The following ERBB4 variants were observed in gnomAD, a reference collection of about 807,000 sequenced individuals.
The protein encoded by ERBB4 is receptor tyrosine-protein kinase erbB-4.
A neutral mutation model predicts 158.0 loss-of-function variants in ERBB4; 42 were observed. The ratio of observed to expected loss-of-function variants is 0.27; its 90% confidence interval spans 0.21 to 0.34. ERBB4 has a LOEUF of 0.34. ERBB4 is among the 10% of genes least tolerant of loss of function. ERBB4 has a pLI of 1.00. For missense variants in ERBB4, 1,333 were observed against 1,624.1 expected, an observed-to-expected ratio of 0.82 and a Z score of 3.08; for synonymous variants, 583 against 558.7, an observed-to-expected ratio of 1.04 and a Z score of -0.61.
Position 211,621,238 on chromosome 2 carries a change from C to T in ERBB4, c.2203-1963G>A, listed in dbSNP as rs925574942. Among the ~76,000 whole-genome samples the T allele has an allele frequency of 2.0e-5, 3 of 149,464 alleles. No homozygotes were observed. The East Asian group carries it at 5.9e-4, about 29-fold the overall frequency. On this transcript the variant is annotated intron_variant, in intron 18 of 27. Transcript: ENST00000342788. ...TTTTTCATTATTTCATTCATTATTT[C>T]ACTATTTTCTGGGACTGACTAGTTA...
chr2:212,095,313 C>A (rs2078897207), intron 2 of ERBB4, among the ~76,000 whole-genome samples: 1 of 152,114 alleles, frequency 6.6e-6, no homozygotes, highest in South Asian at 2.1e-4. Flanking sequence ...TTGTTCCTGG[C>A]TGATTTGCTA....
chr2:212,277,906 A>G (rs1181021479), intron 1 of ERBB4, among the ~76,000 whole-genome samples: 1 of 151,696 alleles, frequency 6.6e-6, no homozygotes. Flanking sequence ...GAAATTACAT[A>G]CTTTTTTATT....
intron 1 of ERBB4, among the ~76,000 whole-genome samples, chr2:212,485,976 A>C (rs891544207): frequency 2.0e-5 from 3 of 152,012 alleles, no homozygotes; most frequent in African/African-American, 7.2e-5. Flanking sequence ...TTTTCAACAT[A>C]TATATTGGGG....
intron 1 of ERBB4, among the ~76,000 whole-genome samples, chr2:212,528,552 T>C (rs1274901809): frequency 6.6e-6 from 1 of 152,184 alleles, no homozygotes; most frequent in African/African-American, 2.4e-5. Context: ...AATATCTCCA[T>C]TCCCAATTTT....
intron 1 of ERBB4, among the ~76,000 whole-genome samples, chr2:212,173,706 A>G (rs1053242883): frequency 6.6e-6 from 1 of 152,102 alleles, no homozygotes; most frequent in African/African-American, 2.4e-5. Context: ...ATTGTGACTG[A>G]CATATAGGCA....
chr2:211,459,166 C>G (rs1297176728), intron 20 of ERBB4, among the ~76,000 whole-genome samples: 6 of 152,208 alleles, frequency 3.9e-5, no homozygotes, highest in Admixed American at 2.6e-4. Flanking sequence ...CATGCATATG[C>G]TAAGTCAGCA....
chr2:211,842,950 ACTT>A (rs906130909), intron 3 of ERBB4, among the ~76,000 whole-genome samples: 2 of 152,132 alleles, frequency 1.3e-5, no homozygotes, highest in Non-Finnish European at 2.9e-5. Context: ...GGACAACTCC[ACTT>A]CTTCTGGTCC....
chr2:212,497,693 A>G (rs1560485248), intron 1 of ERBB4, among the ~76,000 whole-genome samples: 2 of 152,278 alleles, frequency 1.3e-5, no homozygotes, highest in East Asian at 1.9e-4. Flanking sequence ...TAAAGTATCA[A>G]TTAGTCAAAT....
chr2:212,047,298 C>T (rs926838147), intron 2 of ERBB4, among the ~76,000 whole-genome samples: 1 of 152,114 alleles, frequency 6.6e-6, no homozygotes, highest in Non-Finnish European at 1.5e-5. Context: ...AACAAAACTT[C>T]TAAATTATTC....
intron 3 of ERBB4, among the ~76,000 whole-genome samples, chr2:211,864,573 A>C (rs2078155736): frequency 6.6e-6 from 1 of 152,238 alleles, no homozygotes. Context: ...ATAAAATAGC[A>C]ATCCTAAATG....
chr2:212,440,545 T>C (rs2092232607), intron 1 of ERBB4, among the ~76,000 whole-genome samples: 1 of 152,164 alleles, frequency 6.6e-6, no homozygotes, highest in Admixed American at 6.6e-5. Flanking sequence ...CCCTGACTAA[T>C]ACAGATTTTG....
rs187962004 is a variant in ERBB4, at chr2:211,388,368, T to C, written c.3136-376A>G. The stretch of plus-strand genomic sequence containing the variant: ...GTTTCCTTCTTTACATGTCAAAAGA[T>C]TGAAATGGCCATATTGTCTGCTGTT... On this transcript the variant is annotated intron_variant, in intron 25 of 27. Coordinates refer to ENST00000342788, the MANE Select transcript of ERBB4 (RefSeq NM_005235.3). Among the ~76,000 whole-genome samples, 400 of 152,296 alleles carry C rather than the reference T, an allele frequency of 2.6e-3. 2 individuals carry two copies. Among genetic ancestry groups the C allele is most frequent in the Admixed American group, 4.8e-3 (73 of 15,294 alleles).
At chr2:212,090,740 C>A (rs1254061388) in intron 2 of ERBB4, among the ~76,000 whole-genome samples, 2 of 152,112 alleles carry the variant, frequency 1.3e-5, no homozygotes, top group African/African-American at 2.4e-5. Context: ...ATTTAAAGGG[C>A]CCCATGAATG....
At chr2:212,190,857 T>C (rs549204514) in intron 1 of ERBB4, among the ~76,000 whole-genome samples, 2 of 152,254 alleles carry the variant, frequency 1.3e-5, no homozygotes, top group Admixed American at 1.3e-4. Flanking sequence ...CTAAATCTAG[T>C]TCCCATTCAT....
At chr2:211,488,381 A>T (rs2065258813) in intron 20 of ERBB4, among the ~76,000 whole-genome samples, 1 of 152,076 alleles carries the variant, frequency 6.6e-6, no homozygotes, top group Admixed American at 6.6e-5. Context: ...ATTTCATTAG[A>T]TCTTTAAGCT....
At chr2:212,241,720 A>C (rs2084113159) in intron 1 of ERBB4, among the ~76,000 whole-genome samples, 1 of 152,108 alleles carries the variant, frequency 6.6e-6, no homozygotes, top group Admixed American at 6.6e-5. Context: ...CAGTAATTTT[A>C]TTGCTTTGGT....
intron 5 of ERBB4, among the ~76,000 whole-genome samples, chr2:211,741,289 A>G (rs1018606123): frequency 1.3e-5 from 2 of 152,192 alleles, no homozygotes; most frequent in Admixed American, 6.5e-5. Context: ...ACTTTCAGAT[A>G]TATCTGACTG....
chr2:211,948,646 AGTT>A (rs2080779197), intron 2 of ERBB4, among the ~76,000 whole-genome samples: 1 of 151,996 alleles, frequency 6.6e-6, no homozygotes, highest in African/African-American at 2.4e-5. Context: ...GATGATAAAT[AGTT>A]GTCAGAATTT....
At chr2:212,005,386 CA>C (rs2076236520) in intron 2 of ERBB4, among the ~76,000 whole-genome samples, 1 of 151,954 alleles carries the variant, frequency 6.6e-6, no homozygotes. Context: ...GGGACAGCTA[CA>C]AAGTGCTAAG....
Sources: gnomAD v4.1 joint callset for allele counts (sites outside exome capture counted in the v4.1 genomes callset) on GRCh38, gnomAD v4.1.1 for gene constraint, MANE v1.5 for transcripts, NCBI Gene and HGNC (gene_info 2026-07-23, HGNC 2026-07-21) for gene names.